The following GPR137C variants were observed in gnomAD, a reference collection of about 807,000 sequenced individuals.
GPR137C encodes the protein integral membrane protein GPR137C.
A neutral mutation model predicts 43.4 loss-of-function variants in GPR137C; 27 were observed. The ratio of observed to expected loss-of-function variants is 0.62; its 90% CI spans 0.46 to 0.86. GPR137C has a LOEUF of 0.86. Among genes scored for constraint, GPR137C ranks in the 40% least tolerant of loss-of-function variants. GPR137C has a pLI of 0.00. For synonymous variants in GPR137C, 285 were observed against 226.9 expected, an observed-to-expected ratio of 1.26 and a Z score of -2.30; for missense variants, 522 against 534.6, an observed-to-expected ratio of 0.98 and a Z score of 0.23.
Position 52,635,158 on chromosome 14 carries a change from G to A in GPR137C, c.*43G>A, listed in dbSNP as rs747320687. ...GATTCTTGAGTTGTTTTTCATAAAT[G>A]TGTATATTCAATGTGTTTAAATTCC... On this transcript the variant is annotated 3_prime_UTR_variant, in exon 7 of 7. Coordinates refer to ENST00000321662, the MANE Select transcript of GPR137C (RefSeq NM_001099652.2). The A allele has an allele frequency of 2.1e-6, 3 of 1,437,346 alleles. No homozygotes were observed. The highest frequency in any genetic ancestry group is 2.4e-5 in the East Asian group (1 of 41,166). The allele number at this position is 1,437,346 out of a possible 1,614,324, so 89.0% of individuals were successfully genotyped here. A position where few individuals can be genotyped will look rare whatever the true frequency, so the allele number is the denominator to read the frequency against.
At chr14:52,627,642 G>A (rs1160119675) in intron 3 of GPR137C, among the ~76,000 whole-genome samples, 1 of 151,922 alleles carries the variant, frequency 6.6e-6, no homozygotes, top group Non-Finnish European at 1.5e-5. Context: ...GTCAGGAGAT[G>A]AGACCATCCT....
At chr14:52,603,400 T>G (rs867557078) in intron 3 of GPR137C, among the ~76,000 whole-genome samples, 30 of 152,208 alleles carry the variant, frequency 2.0e-4, no homozygotes, top group African/African-American at 7.0e-4. Flanking sequence ...AGTGCTACAA[T>G]AAATATGGGA....
intron 1 of GPR137C, among the ~76,000 whole-genome samples, chr14:52,571,923 C>T (rs137997878): frequency 6.3e-4 from 96 of 152,158 alleles, no homozygotes; most frequent in African/African-American, 2.0e-3. Context: ...ATATCATCAC[C>T]GATCCCATAG....
In GPR137C at chr14:52,635,169, A is replaced by G. The variant is rs926539337; in HGVS notation, c.*54A>G. ...TGTTTTTCATAAATGTGTATATTCA[A>G]TGTGTTTAAATTCCATCTACATAAA... is the stretch of plus-strand genomic sequence containing the variant. On this transcript the variant is annotated 3_prime_UTR_variant, in exon 7 of 7. Coordinates refer to ENST00000321662, the MANE Select transcript of GPR137C (RefSeq NM_001099652.2). The G allele has an allele frequency of 1.2e-5, 16 of 1,354,400 alleles. No individual in the cohort carries two copies. In the African/African-American group the frequency reaches 1.3e-4, roughly 11 times the overall value. 83.9% of individuals were successfully genotyped at this position (1,354,400 alleles called of 1,614,324 possible).
chr14:52,629,693 G>A (rs920102026), intron 3 of GPR137C, among the ~76,000 whole-genome samples: 15 of 152,160 alleles, frequency 9.9e-5, no homozygotes, highest in Non-Finnish European at 1.9e-4. Context: ...TTTGGTTGAT[G>A]GAAGGGGTGT....
At chr14:52,585,045 T>G (rs1284319947) in intron 1 of GPR137C, among the ~76,000 whole-genome samples, 1 of 152,186 alleles carries the variant, frequency 6.6e-6, no homozygotes, top group Non-Finnish European at 1.5e-5. Context: ...GTTCCAAATG[T>G]TTTTCATATT....
chr14:52,616,683 A>G (rs1020674408), intron 3 of GPR137C, among the ~76,000 whole-genome samples: 2 of 152,210 alleles, frequency 1.3e-5, no homozygotes, highest in Admixed American at 1.3e-4. Context: ...TAAATAATAT[A>G]GAATTTCTGT....
chr14:52,613,722 A>G (rs1231145184), intron 3 of GPR137C: 1 of 264,558 alleles, frequency 3.8e-6, no homozygotes, highest in East Asian at 1.3e-4. Flanking sequence ...ATTGTGTGTA[A>G]GTACCACATT....
intron 1 of GPR137C, among the ~76,000 whole-genome samples, chr14:52,583,822 A>T (rs1240064502): frequency 6.6e-6 from 1 of 152,152 alleles, no homozygotes; most frequent in Non-Finnish European, 1.5e-5. Flanking sequence ...CCTTATTGAT[A>T]ACCCATCTAA....
At chr14:52,569,035 T>C (rs889454244) in intron 1 of GPR137C, among the ~76,000 whole-genome samples, 1 of 152,172 alleles carries the variant, frequency 6.6e-6, no homozygotes, top group African/African-American at 2.4e-5. Flanking sequence ...AGACACCTTA[T>C]GCAACAGGAG....
Position 52,556,376 on chromosome 14 carries a change from C to G in GPR137C, c.444+2785C>G, listed in dbSNP as rs557351046. Among the ~76,000 whole-genome samples, 10 of 143,776 alleles carry G rather than the reference C, an allele frequency of 7.0e-5. 1 individual carries two copies. Among genetic ancestry groups the G allele is most frequent in the East Asian group, 6.3e-4 (3 of 4,742 alleles). The allele number at this position is 143,776 out of a possible 152,430, so 94.3% of individuals were successfully genotyped here. ...ATGTTTTTGAAAAGTTAAGAAATGC[C>G]TCAACCCCTTTTTTCTTTTTTTTTT... On this transcript the variant is annotated intron_variant, in intron 1 of 6. Transcript: ENST00000321662.
At chr14:52,580,277 G>A (rs116326828) in intron 1 of GPR137C, among the ~76,000 whole-genome samples, 169 of 152,270 alleles carry the variant, frequency 1.1e-3, no homozygotes, top group African/African-American at 3.8e-3. Context: ...TCATTTGATT[G>A]TAAATTAAAC....
Position 52,552,976 on chromosome 14 carries a change from C to T in GPR137C, c.-172C>T, listed in dbSNP as rs2038101781. ...GGTGGGGGGAAAGAGGAGGCGGGGTCCGGGGGAGCCGCGGCTGCTTTGCGC... is the reference window on the plus strand; with the variant it reads ...GGTGGGGGGAAAGAGGAGGCGGGGTTCGGGGGAGCCGCGGCTGCTTTGCGC... On this transcript the variant is annotated 5_prime_UTR_variant, in exon 1 of 7. Transcript: ENST00000321662. Among the ~76,000 whole-genome samples, 2 of 144,702 alleles carry T rather than the reference C, an allele frequency of 1.4e-5. No homozygotes were observed. The allele number at this position is 144,702 out of a possible 152,430, so 94.9% of individuals were successfully genotyped here.
rs1172180865 is a variant in GPR137C at position 52,553,555 on chromosome 14, C to G, written c.408C>G (p.Phe136Leu). ...LLYCFPSCLQ[F>L]STLCLLNLYL... ...ACTGCTTCCCCTCCTGTCTCCAGTTCTCCACGCTCTGTCTCCTCAACCTCT... is the reference window on the plus strand; with the variant it reads ...ACTGCTTCCCCTCCTGTCTCCAGTTGTCCACGCTCTGTCTCCTCAACCTCT... Residue 136 changes from phenylalanine to leucine, a missense_variant, in exon 1 of 7, where the codon TTC becomes TTG. Physicochemically the swap from Phe to Leu is conservative, Grantham distance 22 (BLOSUM62 0). This residue lies in a region of GPR137C where 437 missense variants were observed against 425.7 expected (regional missense o/e 1.03). Transcript: ENST00000321662. 1.9e-6 allele frequency: 3 copies of G among 1,606,572 alleles called. No homozygotes were observed. In the East Asian group the frequency reaches 6.7e-5, roughly 36 times the overall value.
intron 1 of GPR137C, among the ~76,000 whole-genome samples, chr14:52,566,502 A>T (rs983622171): frequency 1.3e-5 from 2 of 152,170 alleles, no homozygotes; most frequent in Non-Finnish European, 2.9e-5. Context: ...AGAAAGTTCA[A>T]TGTGAGGGCT....
chr14:52,570,074 A>T (rs369655490), intron 1 of GPR137C, among the ~76,000 whole-genome samples: 7 of 152,296 alleles, frequency 4.6e-5, no homozygotes, highest in African/African-American at 1.4e-4. Flanking sequence ...TGAAGGAAAA[A>T]ATGTTAAGGG....
chr14:52,615,168 A>AT (rs1229659788), intron 3 of GPR137C, among the ~76,000 whole-genome samples: 1 of 152,198 alleles, frequency 6.6e-6, no homozygotes, highest in East Asian at 1.9e-4. Context: ...ATTCTTCTGC[A>AT]TATGTATATC....
intron 1 of GPR137C, among the ~76,000 whole-genome samples, chr14:52,572,603 CAGTA>C (rs1238158105): frequency 1.3e-5 from 2 of 152,042 alleles, no homozygotes; most frequent in Non-Finnish European, 2.9e-5. Flanking sequence ...CTTCTCAAAA[CAGTA>C]AGAGCTATTT....
chr14:52,621,746 C>T (rs1013457229), intron 3 of GPR137C, among the ~76,000 whole-genome samples: 1 of 151,228 alleles, frequency 6.6e-6, no homozygotes, highest in Non-Finnish European at 1.5e-5. Flanking sequence ...TTTTATAATC[C>T]CTAGAGCAAT....
Sources: allele counts gnomAD v4.1 joint callset (sites outside exome capture counted in the v4.1 genomes callset), GRCh38; gene constraint gnomAD v4.1.1; regional missense constraint gnomAD v4.1.1; transcripts MANE v1.5; gene names NCBI Gene and HGNC (gene_info 2026-07-23, HGNC 2026-07-21).